PKNOX2: variants seen among roughly 807,000 people sequenced by gnomAD.
PKNOX2 encodes the protein homeobox protein PKNOX2.
A neutral mutation model predicts 53.1 loss-of-function variants in PKNOX2; 14 were observed. The ratio of observed to expected loss-of-function variants is 0.26; its 90% CI spans 0.17 to 0.41. The LOEUF (loss-of-function observed/expected upper bound fraction) is 0.41, where lower values mean the gene tolerates loss of function less well. Ranked by LOEUF, PKNOX2 falls within the 10% of genes least tolerant of loss-of-function variation. The pLI, the probability that PKNOX2 is intolerant of heterozygous loss-of-function variation, is 1.00. For synonymous variants in PKNOX2, 257 were observed against 242.8 expected, an observed-to-expected ratio of 1.06 and a Z score of -0.54; for missense variants, 496 against 602.8, an observed-to-expected ratio of 0.82 and a Z score of 1.85.
At chr11:125,418,161 T>C (rs986903766) in intron 10 of PKNOX2, among the ~76,000 whole-genome samples, 18 of 151,982 alleles carry the variant, frequency 1.2e-4, no homozygotes, top group African/African-American at 3.9e-4. Context: ...CCCCAGCCCC[T>C]GGCAACCATG....
intron 2 of PKNOX2, among the ~76,000 whole-genome samples, chr11:125,257,458 C>A (rs1250933420): frequency 6.6e-6 from 1 of 152,192 alleles, no homozygotes; most frequent in Non-Finnish European, 1.5e-5. Flanking sequence ...CTGCAGGATC[C>A]CAGTAGGATA....
chr11:125,316,908 A>T (rs1478078861), intron 2 of PKNOX2, among the ~76,000 whole-genome samples: 1 of 152,186 alleles, frequency 6.6e-6, no homozygotes, highest in East Asian at 1.9e-4. Flanking sequence ...GTAGCATGTG[A>T]TGTTGTTTGA....
At chr11:125,227,457 C>A (rs774135076) in intron 1 of PKNOX2, among the ~76,000 whole-genome samples, 1 of 152,214 alleles carries the variant, frequency 6.6e-6, no homozygotes, top group Non-Finnish European at 1.5e-5. Context: ...GTACCTTGTA[C>A]AGGTGGAACC....
intron 4 of PKNOX2, among the ~76,000 whole-genome samples, chr11:125,351,993 C>A (rs1951350262): frequency 6.6e-6 from 1 of 152,092 alleles, no homozygotes; most frequent in African/African-American, 2.4e-5. Flanking sequence ...AGCCGCCCCC[C>A]AAGATCTTCT....
intron 2 of PKNOX2, among the ~76,000 whole-genome samples, chr11:125,254,696 GTGAGTAAC>G (rs1944281258): frequency 6.6e-6 from 1 of 152,180 alleles, no homozygotes; most frequent in South Asian, 2.1e-4. Context: ...CCAGGTGCAG[GTGAGTAAC>G]ATGGCATCCC....
At chr11:125,170,223 G>A (rs548583320) in intron 1 of PKNOX2, among the ~76,000 whole-genome samples, 96 of 152,310 alleles carry the variant, frequency 6.3e-4, no homozygotes, top group East Asian at 3.1e-3. Context: ...GTGTGCGCTC[G>A]TAGACTCCTT....
chr11:125,276,541 G>A (rs766751315), intron 2 of PKNOX2, among the ~76,000 whole-genome samples: 2 of 152,210 alleles, frequency 1.3e-5, no homozygotes, highest in Non-Finnish European at 2.9e-5. Context: ...GGATGGCATG[G>A]CCTGAGTATT....
intron 2 of PKNOX2, among the ~76,000 whole-genome samples, chr11:125,303,809 G>A (rs564986148): frequency 7.9e-5 from 12 of 152,290 alleles, no homozygotes; most frequent in East Asian, 7.7e-4. Context: ...AGGATGTGTC[G>A]TCTAAGGGGA....
At chr11:125,385,768 C>G (rs1270097567) in intron 6 of PKNOX2, 46 bp downstream of exon 6, 27 of 1,570,194 alleles carry the variant, frequency 1.7e-5, no homozygotes, top group Non-Finnish European at 2.1e-5. Flanking sequence ...TTCCTACCCT[C>G]TGACCCCCTT....
chr11:125,203,869 G>A (rs1420439302), intron 1 of PKNOX2, among the ~76,000 whole-genome samples: 1 of 152,188 alleles, frequency 6.6e-6, no homozygotes, highest in African/African-American at 2.4e-5. Context: ...GAATCTCTGT[G>A]TCATCTCTGG....
intron 1 of PKNOX2, among the ~76,000 whole-genome samples, chr11:125,212,750 G>A (rs1184660998): frequency 6.6e-6 from 1 of 151,972 alleles, no homozygotes; most frequent in Non-Finnish European, 1.5e-5. Context: ...CAAGCTGGAG[G>A]TCCTCTTGAC....
chr11:125,334,513 A>G (rs1950326605), intron 3 of PKNOX2, among the ~76,000 whole-genome samples: 1 of 152,122 alleles, frequency 6.6e-6, no homozygotes, highest in Non-Finnish European at 1.5e-5. Context: ...GAACCAGACC[A>G]ACCTAGACTC....
rs902489365 is a variant in PKNOX2, at chr11:125,413,640, G to T, written c.936+1775G>T. Among the ~76,000 whole-genome samples the T allele has an allele frequency of 3.5e-4, 54 of 152,326 alleles. 1 individual carries two copies. The highest frequency in any genetic ancestry group is 1.2e-3 in the African/African-American group (50 of 41,566). On this transcript the variant is annotated intron_variant, in intron 10 of 12. Transcript: ENST00000298282. ...TGAGGCAGCTGAACCTGGGTTCAGA[G>T]GTCAGTGTTACCTTTTACCCGGCAA...
rs184636799 is a variant in PKNOX2 at position 125,184,442 on chromosome 11, C to T, written c.-201+19666C>T. 15 of 152,348 alleles carry T rather than the reference C, an allele frequency of 9.8e-5. No homozygotes were observed. The East Asian group carries it at 2.7e-3, about 27-fold the overall frequency. 9.4% of individuals were successfully genotyped at this position (152,348 alleles called of 1,614,324 possible). The stretch of plus-strand genomic sequence containing the variant: ...GCATCCAAACTTTTTCCATTAGAAA[C>T]CCTGTCTCCCATGAGCCAGGCTTTG... On this transcript the variant is annotated intron_variant, in intron 1 of 12. Coordinates refer to ENST00000298282, the MANE Select transcript of PKNOX2 (RefSeq NM_001382323.2).
At chr11:125,339,560 G>A (rs779057960) in intron 3 of PKNOX2, among the ~76,000 whole-genome samples, 2 of 152,216 alleles carry the variant, frequency 1.3e-5, no homozygotes, top group Non-Finnish European at 2.9e-5. Flanking sequence ...TGTGGGGAAA[G>A]GCCAAGTGGA....
At chr11:125,421,666 CT>C in intron 10 of PKNOX2, among the ~76,000 whole-genome samples, 1 of 152,348 alleles carries the variant, frequency 6.6e-6, no homozygotes, top group East Asian at 1.9e-4. Flanking sequence ...GCAGAAACAC[CT>C]TCCTACCCGT....
At position 125,404,013 on chromosome 11, in the gene PKNOX2, C is replaced by T. The variant is rs568701984; in HGVS notation, c.588+5951C>T. Among the ~76,000 whole-genome samples the T allele has an allele frequency of 7.3e-5, 11 of 151,688 alleles. No individual in the cohort carries two copies. In the South Asian group the frequency reaches 8.4e-4, roughly 12 times the overall value. ...TTGGATTTTCCAGATTGGCAGGGGG[C>T]GGAAGGGGTAGGGGGCCATCACCTC... On this transcript the variant is annotated intron_variant, in intron 7 of 12. Transcript: ENST00000298282.
intron 5 of PKNOX2, among the ~76,000 whole-genome samples, chr11:125,374,848 A>G (rs984356747): frequency 6.7e-6 from 1 of 149,182 alleles, no homozygotes; most frequent in Non-Finnish European, 1.5e-5. Context: ...TGGTATCTAC[A>G]TTCATGAAGA....
intron 3 of PKNOX2, among the ~76,000 whole-genome samples, chr11:125,343,385 G>T (rs1465148551): frequency 6.6e-6 from 1 of 151,124 alleles, no homozygotes; most frequent in South Asian, 2.1e-4. Flanking sequence ...CAGCCAGCAT[G>T]CTTTTTTTTT....
Sources: gnomAD v4.1 joint callset for allele counts (sites outside exome capture counted in the v4.1 genomes callset) on GRCh38, gnomAD v4.1.1 for gene constraint, MANE v1.5 for transcripts, NCBI Gene and HGNC (gene_info 2026-07-23, HGNC 2026-07-21) for gene names.